NELL2: variants seen among roughly 807,000 people sequenced by gnomAD.
The protein encoded by NELL2 is neural EGFL like 2.
Under a neutral mutation model 109.6 loss-of-function variants are expected in NELL2, and 41 were observed. The ratio of observed to expected loss-of-function variants is 0.37; its 90% confidence interval spans 0.29 to 0.49. NELL2 has a LOEUF of 0.49. Ranked by LOEUF, NELL2 falls within the 20% of genes least tolerant of loss-of-function variation. The pLI is 0.98. For missense variants in NELL2, 900 were observed against 1,008.3 expected, an observed-to-expected ratio of 0.89 and a Z score of 1.45; for synonymous variants, 355 against 344.7, an observed-to-expected ratio of 1.03 and a Z score of -0.33.
At chr12:44,911,102 C>A (rs1945774965) in intron 1 of NELL2, among the ~76,000 whole-genome samples, 1 of 151,914 alleles carries the variant, frequency 6.6e-6, no homozygotes. Context: ...GCAATATACC[C>A]ATGTAACAAA....
intron 13 of NELL2, among the ~76,000 whole-genome samples, chr12:44,626,438 T>C (rs1038629072): frequency 6.6e-6 from 1 of 152,200 alleles, no homozygotes; most frequent in Admixed American, 6.6e-5. Context: ...GACACCTCCT[T>C]AGACACGCTC....
chr12:44,898,897 T>C (rs1041815583), intron 1 of NELL2, among the ~76,000 whole-genome samples: 1 of 152,024 alleles, frequency 6.6e-6, no homozygotes, highest in Non-Finnish European at 1.5e-5. Context: ...AATAAGCAGT[T>C]GAGAGAAGAA....
At chr12:44,770,564 T>C (rs1215742023) in intron 9 of NELL2, among the ~76,000 whole-genome samples, 1 of 152,220 alleles carries the variant, frequency 6.6e-6, no homozygotes, top group Non-Finnish European at 1.5e-5. Flanking sequence ...ATCTGATGTC[T>C]AATCAGCACA....
In NELL2 at chr12:44,720,489, C is replaced by T. The variant is rs547371510; in HGVS notation, c.995-5748G>A. On this transcript the variant is annotated intron_variant, in intron 9 of 19. Coordinates refer to ENST00000429094, the MANE Select transcript of NELL2 (RefSeq NM_001145108.2). ...GTAAAATGACAGCTTACTTTCAACT[C>T]GAGCACATTTGAAACATCTGAAATG... Among the ~76,000 whole-genome samples, 22 of 152,230 alleles carry T rather than the reference C, an allele frequency of 1.4e-4. No individual in the cohort carries two copies. The South Asian group carries it at 2.5e-3, about 17-fold the overall frequency.
chr12:44,583,760 C>G (rs544232222), intron 15 of NELL2, among the ~76,000 whole-genome samples: 1 of 152,042 alleles, frequency 6.6e-6, no homozygotes, highest in East Asian at 1.9e-4. Flanking sequence ...GGCTCAAATA[C>G]ACTTCTATAT....
At chr12:44,821,983 C>A (rs956871484) in intron 2 of NELL2, among the ~76,000 whole-genome samples, 3 of 151,644 alleles carry the variant, frequency 2.0e-5, no homozygotes, top group Non-Finnish European at 4.4e-5. Context: ...CCAGGCTGGT[C>A]TTGAACTTCT....
chr12:44,701,318 T>A (rs147336936), intron 12 of NELL2, among the ~76,000 whole-genome samples: 81 of 152,200 alleles, frequency 5.3e-4, no homozygotes, highest in African/African-American at 1.8e-3. Context: ...AATTTTTCCA[T>A]CACTTTCTTA....
chr12:44,545,477 C>G (rs1942754636), intron 15 of NELL2, among the ~76,000 whole-genome samples: 1 of 151,898 alleles, frequency 6.6e-6, no homozygotes, highest in South Asian at 2.1e-4. Context: ...AGTTCATAGT[C>G]TTATAAAGAA....
chr12:44,581,512 A>G, intron 15 of NELL2, among the ~76,000 whole-genome samples: 1 of 152,314 alleles, frequency 6.6e-6, no homozygotes, highest in South Asian at 2.1e-4. Flanking sequence ...AAATTCCTTC[A>G]CAGGAATTCC....
chr12:44,898,944 A>G (rs1055056753), intron 1 of NELL2, among the ~76,000 whole-genome samples: 43 of 152,214 alleles, frequency 2.8e-4, no homozygotes, highest in African/African-American at 9.6e-4. Flanking sequence ...ACACAGCATG[A>G]GAACTTTGTG....
intron 9 of NELL2, among the ~76,000 whole-genome samples, chr12:44,748,494 C>T (rs1811518394): frequency 6.6e-6 from 1 of 152,104 alleles, no homozygotes; most frequent in African/African-American, 2.4e-5. Flanking sequence ...TATGTTAACA[C>T]TTACAACACT....
In NELL2 at chr12:44,876,262, C is replaced by A; in HGVS notation, c.-393G>T. 1 of 1,161,820 alleles carries A rather than the reference C, an allele frequency of 8.6e-7. No individual in the cohort carries two copies. The highest frequency in any genetic ancestry group is 1.1e-6 in the Non-Finnish European group (1 of 940,802). 72.0% of individuals were successfully genotyped at this position (1,161,820 alleles called of 1,614,324 possible). ...CAAGAAAGCCCGGGCTGGGGCGGCC[C>A]CGCACCCCCCCGTCTTCCCCGCCGC... On this transcript the variant is annotated 5_prime_UTR_variant, in exon 1 of 20. Coordinates refer to ENST00000429094, the MANE Select transcript of NELL2 (RefSeq NM_001145108.2).
At chr12:44,586,820 G>A (rs913013613) in intron 15 of NELL2, among the ~76,000 whole-genome samples, 1 of 152,132 alleles carries the variant, frequency 6.6e-6, no homozygotes, top group Non-Finnish European at 1.5e-5. Context: ...CAAGGGCAAC[G>A]ATGTTGCCCA....
chr12:44,840,340 C>A (rs1376826459), intron 2 of NELL2, among the ~76,000 whole-genome samples: 6 of 152,202 alleles, frequency 3.9e-5, no homozygotes, highest in Non-Finnish European at 7.3e-5. Context: ...TATTTTCTCA[C>A]TTTCCCTTTC....
chr12:44,734,729 T>A (rs1034967881), intron 9 of NELL2, among the ~76,000 whole-genome samples: 1 of 152,024 alleles, frequency 6.6e-6, no homozygotes, highest in Non-Finnish European at 1.5e-5. Context: ...TTCTCCCTAC[T>A]ATAATGTTAT....
intron 2 of NELL2, among the ~76,000 whole-genome samples, chr12:44,824,380 T>C (rs1020527103): frequency 6.6e-6 from 1 of 152,228 alleles, no homozygotes; most frequent in Non-Finnish European, 1.5e-5. Flanking sequence ...TTTCTTCTAG[T>C]AGTCTTACAG....
At chr12:44,557,870 A>G (rs1026635859) in intron 15 of NELL2, among the ~76,000 whole-genome samples, 3 of 152,234 alleles carry the variant, frequency 2.0e-5, no homozygotes, top group African/African-American at 7.2e-5. Flanking sequence ...CACCCCGAGC[A>G]GTAAAAGTAG....
chr12:44,550,725 G>C (rs939722227), intron 15 of NELL2, among the ~76,000 whole-genome samples: 1 of 152,000 alleles, frequency 6.6e-6, no homozygotes. Context: ...CAACACGGAC[G>C]GACCAGGAGG....
At chr12:44,780,472 A>G (rs187636505) in intron 3 of NELL2, among the ~76,000 whole-genome samples, 162 of 151,982 alleles carry the variant, frequency 1.1e-3, no homozygotes, top group African/African-American at 3.7e-3. Flanking sequence ...AAAGCTAAGT[A>G]AGAAGCTTAT....
Sources: gnomAD v4.1 joint callset for allele counts (sites outside exome capture counted in the v4.1 genomes callset) on GRCh38, gnomAD v4.1.1 for gene constraint, MANE v1.5 for transcripts, NCBI Gene and HGNC (gene_info 2026-07-23, HGNC 2026-07-21) for gene names.